Variants in DCAF8L2 observed in about 807,000 individuals in gnomAD.
DCAF8L2 encodes DDB1 and CUL4 associated factor 8 like 2, also known as DDB1- and CUL4-associated factor 8-like protein 2.
For synonymous variants in DCAF8L2, 200 were observed against 190.9 expected (o/e 1.05, Z -0.39); for missense variants, 430 against 490.7 (o/e 0.88, Z 1.17).
At chrX:27,517,412 T>A in the DCAF8L2 span, among the ~76,000 whole-genome samples, 1 of 110,016 alleles carries the variant, frequency 9.1e-6, no homozygotes, top group African/African-American at 3.3e-5. Context: ...ATTAAAATGT[T>A]CACCATTATC....
chrX:27,498,205 C>T, the DCAF8L2 span, among the ~76,000 whole-genome samples: 1 of 112,306 alleles, frequency 8.9e-6, no homozygotes, highest in Admixed American at 9.4e-5. Flanking sequence ...AGAAGAATTA[C>T]TTGATCATGT....
At chrX:27,511,107 G>C in the DCAF8L2 span, among the ~76,000 whole-genome samples, 4 of 110,938 alleles carry the variant, frequency 3.6e-5, no homozygotes, top group African/African-American at 1.3e-4. Context: ...CTCCAAAGCT[G>C]TACAAGTTTC....
intron 2 of DCAF8L2, among the ~76,000 whole-genome samples, chrX:27,651,550 C>A (rs1231962936): frequency 2.1e-5 from 2 of 97,286 alleles, no homozygotes; most frequent in Non-Finnish European, 4.1e-5. Context: ...TGCTCTGTCG[C>A]CCAGGCTGGA....
chrX:27,514,692 AAAACAAAAAAAAAAAAC>A, the DCAF8L2 span, among the ~76,000 whole-genome samples: 1 of 76,281 alleles, frequency 1.3e-5, no homozygotes, highest in African/African-American at 7.4e-5. Context: ...AAAAAAAAAA[AAAACAAAAAAAAAAAAC>A]AGAGTGAAAT....
At chrX:27,595,709 T>A (rs1181130759) in intron 1 of DCAF8L2, among the ~76,000 whole-genome samples, 1 of 112,216 alleles carries the variant, frequency 8.9e-6, no homozygotes, top group East Asian at 2.8e-4. Flanking sequence ...GAACACTGCT[T>A]TAAAAATGTT....
In DCAF8L2 at chrX:27,748,927, C is replaced by T. The variant is rs141444586; in HGVS notation, c.*136C>T. On this transcript the variant is annotated 3_prime_UTR_variant, in exon 5 of 5. Coordinates refer to ENST00000451261, the MANE Select transcript of DCAF8L2 (RefSeq NM_001353450.2). The stretch of plus-strand genomic sequence containing the variant: ...ATTTTCCATAATATATGCTGAAAAC[C>T]GTCTCTTCCATTCCTTCCTCTCTAC... 1,852 of 751,466 alleles carry T rather than the reference C, an allele frequency of 2.5e-3. 3 individuals are homozygous for T. Among genetic ancestry groups the T allele is most frequent in the Non-Finnish European group, 3.2e-3 (1,749 of 543,873 alleles). The allele number at this position is 751,466 out of a possible 1,213,427, so 61.9% of individuals were successfully genotyped here.
the DCAF8L2 span, among the ~76,000 whole-genome samples, chrX:27,540,099 T>C: frequency 7.2e-5 from 8 of 111,395 alleles, no homozygotes; most frequent in East Asian, 2.0e-3. Context: ...GAACTGACAC[T>C]GACACTGGAA....
the DCAF8L2 span, among the ~76,000 whole-genome samples, chrX:27,582,317 CA>C: frequency 3.0e-4 from 33 of 111,740 alleles, no homozygotes; most frequent in African/African-American, 1.0e-3. Context: ...CTGAACTATA[CA>C]TAGTATTCAA....
the DCAF8L2 span, among the ~76,000 whole-genome samples, chrX:27,514,309 G>GTACATATA: frequency 4.2e-5 from 4 of 95,898 alleles, no homozygotes; most frequent in African/African-American, 1.5e-4. Flanking sequence ...GTGCACATAT[G>GTACATATA]TGTATATGGT....
At chrX:27,569,999 A>C in the DCAF8L2 span, among the ~76,000 whole-genome samples, 3 of 111,978 alleles carry the variant, frequency 2.7e-5, no homozygotes, top group East Asian at 8.4e-4. Context: ...AAGCTTAAAA[A>C]AGGACAATTT....
At chrX:27,485,866 T>C in the DCAF8L2 span, among the ~76,000 whole-genome samples, 1 of 109,193 alleles carries the variant, frequency 9.2e-6, no homozygotes, top group Non-Finnish European at 1.9e-5. Context: ...AATGAATGTG[T>C]TGACAGTAGG....
At chrX:27,630,792 G>A (rs1928254396) in intron 1 of DCAF8L2, among the ~76,000 whole-genome samples, 2 of 112,263 alleles carry the variant, frequency 1.8e-5, no homozygotes, top group Admixed American at 1.9e-4. Flanking sequence ...GGAAGTCCAA[G>A]CTCAAGGCAC....
the DCAF8L2 span, among the ~76,000 whole-genome samples, chrX:27,527,465 T>G: frequency 7.2e-5 from 8 of 111,160 alleles, no homozygotes; most frequent in African/African-American, 2.6e-4. Context: ...TGACCCCTTT[T>G]GCTTCCTGAG....
chrX:27,536,560 T>G, the DCAF8L2 span, among the ~76,000 whole-genome samples: 1 of 112,028 alleles, frequency 8.9e-6, no homozygotes, highest in Non-Finnish European at 1.9e-5. Context: ...AAAACTGTGT[T>G]CTTGTCACAC....
chrX:27,720,761 TGAC>T (rs1156941187), intron 4 of DCAF8L2, among the ~76,000 whole-genome samples: 1 of 111,995 alleles, frequency 8.9e-6, no homozygotes, highest in Non-Finnish European at 1.9e-5. Context: ...TGAGAAGAAC[TGAC>T]ATTTCAAAAA....
intron 1 of DCAF8L2, among the ~76,000 whole-genome samples, chrX:27,608,968 A>C (rs1018443152): frequency 9.0e-6 from 1 of 111,010 alleles, no homozygotes; most frequent in Non-Finnish European, 1.9e-5. Context: ...TACTTCGTGG[A>C]GAAAAGGGAC....
chrX:27,581,724 A>G, the DCAF8L2 span, among the ~76,000 whole-genome samples: 98 of 109,925 alleles, frequency 8.9e-4, no homozygotes, highest in African/African-American at 3.0e-3. Context: ...CTAAGACTAC[A>G]GGCACCGGCC....
At chrX:27,513,218 G>A in the DCAF8L2 span, among the ~76,000 whole-genome samples, 2 of 111,803 alleles carry the variant, frequency 1.8e-5, no homozygotes, top group African/African-American at 6.5e-5. Flanking sequence ...AAAAGCACAG[G>A]CACCTAATGC....
intron 1 of DCAF8L2, among the ~76,000 whole-genome samples, chrX:27,598,238 C>T (rs779579008): frequency 3.6e-5 from 4 of 112,416 alleles, no homozygotes; most frequent in Non-Finnish European, 7.5e-5. Flanking sequence ...AAACTTCAAT[C>T]ATAAAAAAGT....
Sources: gnomAD v4.1 joint callset for allele counts (sites outside exome capture counted in the v4.1 genomes callset) on GRCh38, gnomAD v4.1.1 for gene constraint, MANE v1.5 for transcripts, NCBI Gene and HGNC (gene_info 2026-07-23, HGNC 2026-07-21) for gene names.